Variants in CAPN8 observed in about 807,000 individuals in gnomAD.
CAPN8 encodes calpain 8, also known as calpain-8.
CAPN8 carries 87 observed loss-of-function variants against 80.9 expected under a neutral mutation model. That is an observed-to-expected ratio of 1.07 (90% CI 0.90 to 1.28). CAPN8 has a LOEUF of 1.28. CAPN8 is among the 50% of genes most tolerant of loss of function. The pLI, the probability that CAPN8 is intolerant of heterozygous loss-of-function variation, is 0.00. For missense variants in CAPN8, 757 were observed against 702.0 expected (o/e 1.08, Z -0.89); for synonymous variants, 299 against 273.8 (o/e 1.09, Z -0.91).
rs994304330 is a variant in CAPN8 at position 223,556,100 on chromosome 1, G to A, written c.1572+2031C>T. Among the ~76,000 whole-genome samples, 1,459 of 152,222 alleles carry A rather than the reference G, an allele frequency of 9.6e-3. 98 individuals are homozygous for A. In the East Asian group the frequency reaches 0.15, roughly 16 times the overall value. On this transcript the variant is annotated intron_variant, in intron 13 of 20. Transcript: ENST00000366872. ...TTACAACCCTGCTCAAAGTGAACACGGCTAAATTCCAAGAGTGTGTTTGTT... is the reference window on the plus strand; with the variant it reads ...TTACAACCCTGCTCAAAGTGAACACAGCTAAATTCCAAGAGTGTGTTTGTT...
intron 1 of CAPN8, among the ~76,000 whole-genome samples, chr1:223,663,518 T>C (rs1658705662): frequency 6.6e-6 from 1 of 152,188 alleles, no homozygotes; most frequent in Non-Finnish European, 1.5e-5. Flanking sequence ...TCCCCACACT[T>C]TCCATCAGAG....
chr1:223,545,038 A>G, intron 17 of CAPN8, 188 bp from the exon 18 acceptor site: 1 of 1,389,188 alleles, frequency 7.2e-7, no homozygotes, highest in Non-Finnish European at 9.6e-7. Context: ...TTGCTGTCTG[A>G]ACAGCAGGGC....
intron 2 of CAPN8, 143 bp downstream of exon 2, chr1:223,654,187 C>T: frequency 3.1e-6 from 2 of 650,010 alleles, no homozygotes; most frequent in Non-Finnish European, 5.3e-6. Flanking sequence ...GTGAAGAATG[C>T]AGTCTCAGAA....
At chr1:223,632,941 T>C (rs1215980558) in intron 2 of CAPN8, among the ~76,000 whole-genome samples, 1 of 152,304 alleles carries the variant, frequency 6.6e-6, no homozygotes, top group Non-Finnish European at 1.5e-5. Flanking sequence ...TTCCTCCTTC[T>C]TCCCATCTGG....
In CAPN8 at chr1:223,627,139, C is replaced by T; in HGVS notation, c.579G>A (p.Glu193=). ...KAYAKLNGCY[E]ALAGGSTVEG... is the part of the protein sequence containing the mutation. Reference sequence around the variant, plus strand: ...CCACTGTGGAACCTCCAGCGAGAGCCTCATAACAACCATTAAGCCTATTGG... The same window carrying T: ...CCACTGTGGAACCTCCAGCGAGAGCTTCATAACAACCATTAAGCCTATTGG... Residue 193 remains glutamate, a synonymous_variant, in exon 5 of 21, where the codon GAG becomes GAA. Coordinates refer to ENST00000366872, the MANE Select transcript of CAPN8 (RefSeq NM_001143962.2). 6.4e-7 allele frequency: 1 copy of T among 1,552,372 alleles called. No homozygotes were observed. The highest frequency in any genetic ancestry group is 8.7e-7 in the Non-Finnish European group (1 of 1,147,146).
intron 12 of CAPN8, among the ~76,000 whole-genome samples, chr1:223,558,562 T>C (rs1656955904): frequency 6.6e-6 from 1 of 152,108 alleles, no homozygotes; most frequent in Non-Finnish European, 1.5e-5. Context: ...CAGGTGTGCA[T>C]AGATGTTGTG....
At chr1:223,646,763 C>T (rs887674827) in intron 2 of CAPN8, among the ~76,000 whole-genome samples, 7 of 152,236 alleles carry the variant, frequency 4.6e-5, no homozygotes, top group Non-Finnish European at 5.9e-5. Flanking sequence ...GTCCTTAGGC[C>T]CTGGGACGAT....
At chr1:223,555,864 C>T (rs1484755595) in intron 13 of CAPN8, among the ~76,000 whole-genome samples, 1 of 152,166 alleles carries the variant, frequency 6.6e-6, no homozygotes, top group Non-Finnish European at 1.5e-5. Flanking sequence ...ATTTACTGAA[C>T]ACCTGGCCCA....
chr1:223,649,892 C>G (rs930760915), intron 2 of CAPN8, among the ~76,000 whole-genome samples: 2 of 152,146 alleles, frequency 1.3e-5, no homozygotes, highest in Non-Finnish European at 2.9e-5. Flanking sequence ...AGAGTTATTA[C>G]CATCCCCCTC....
chr1:223,558,706 G>A (rs1473034179), intron 12 of CAPN8, among the ~76,000 whole-genome samples: 1 of 151,672 alleles, frequency 6.6e-6, no homozygotes, highest in Non-Finnish European at 1.5e-5. Context: ...TGTGTGAATG[G>A]TGTACTGTGT....
chr1:223,544,217 G>C (rs1439967686), intron 18 of CAPN8, 34 bp from the exon 19 acceptor site: 3 of 715,684 alleles, frequency 4.2e-6, no homozygotes, highest in African/African-American at 3.5e-5. Context: ...CACAGGTAGA[G>C]TGGAGGACTC....
Position 223,665,437 on chromosome 1 carries a change from A to C in CAPN8, c.210T>G (p.Thr70=). ...YKDLGPGSPQ[T]QGIIWKRPTE... The stretch of plus-strand genomic sequence containing the variant: ...TGGGCCGCTTCCAGATGATGCCTTG[A>C]GTTTGCGGAGAGCCTGGTCCAAGAT... Residue 70 remains threonine, a synonymous_variant, in exon 1 of 21, where the codon ACT becomes ACG. Coordinates refer to ENST00000366872, the MANE Select transcript of CAPN8 (RefSeq NM_001143962.2). 1 of 1,552,006 alleles carries C rather than the reference A, an allele frequency of 6.4e-7. No individual in the cohort carries two copies. The highest frequency in any genetic ancestry group is 8.7e-7 in the Non-Finnish European group (1 of 1,146,958).
At chr1:223,632,905 G>A (rs1401421664) in intron 2 of CAPN8, among the ~76,000 whole-genome samples, 1 of 152,184 alleles carries the variant, frequency 6.6e-6, no homozygotes, top group African/African-American at 2.4e-5. Flanking sequence ...AGACTTGGCT[G>A]GCAGAGACTT....
intron 2 of CAPN8, chr1:223,644,110 T>C: frequency 3.2e-6 from 1 of 312,162 alleles, no homozygotes; most frequent in South Asian, 3.3e-5. Context: ...TGATCATTTC[T>C]AGTTGGAGAC....
chr1:223,654,279 A>G (rs1658419115), intron 2 of CAPN8, 51 bp downstream of exon 2: 1 of 1,482,606 alleles, frequency 6.7e-7, no homozygotes, highest in South Asian at 1.2e-5. Flanking sequence ...CTCATGACAC[A>G]TACACACCCG....
intron 14 of CAPN8, 22 bp from the exon 15 acceptor site, chr1:223,551,039 C>T (rs756239797): frequency 2.8e-6 from 2 of 717,486 alleles, no homozygotes. Flanking sequence ...AACCCAAATG[C>T]AAATCATGTC....
At chr1:223,649,226 GT>G (rs1658274847) in intron 2 of CAPN8, among the ~76,000 whole-genome samples, 2 of 152,354 alleles carry the variant, frequency 1.3e-5, no homozygotes, top group South Asian at 4.1e-4. Flanking sequence ...TTCAAGTCCT[GT>G]TGCATTTTCA....
At chr1:223,541,977 G>T (rs1386605382) in intron 20 of CAPN8, 118 bp from the exon 21 acceptor site, 24 of 1,485,562 alleles carry the variant, frequency 1.6e-5, no homozygotes, top group Non-Finnish European at 2.2e-5. Context: ...TCCAGTAAGT[G>T]CCTTGCTCAA....
chr1:223,660,272 T>C (rs1658609922), intron 1 of CAPN8, among the ~76,000 whole-genome samples: 2 of 152,202 alleles, frequency 1.3e-5, no homozygotes, highest in Admixed American at 6.5e-5. Context: ...TTGACTGCAC[T>C]GCACCAGGGC....
Sources: allele counts gnomAD v4.1 joint callset (sites outside exome capture counted in the v4.1 genomes callset), GRCh38; gene constraint gnomAD v4.1.1; transcripts MANE v1.5; gene names NCBI Gene and HGNC (gene_info 2026-07-23, HGNC 2026-07-21).